The following TVP23A variants were observed in gnomAD, a reference collection of about 807,000 sequenced individuals.
TVP23A encodes Golgi apparatus membrane protein TVP23 homolog A.
In TVP23A, 21 loss-of-function variants were observed where a neutral mutation model predicts 31.7. The ratio of observed to expected loss-of-function variants is 0.66; its 90% confidence interval spans 0.47 to 0.95. The LOEUF is 0.95. TVP23A is among the 40% of genes least tolerant of loss of function. The pLI, the probability that TVP23A is intolerant of heterozygous loss-of-function variation, is 0.00. For missense variants in TVP23A, 279 were observed against 255.6 expected (o/e 1.09, Z -0.62); for synonymous variants, 104 against 96.0 (o/e 1.08, Z -0.49).
rs2031123221 is a variant in TVP23A, at chr16:10,767,834, G to A, written c.*1268C>T. 1 of 950,202 alleles carries A rather than the reference G, an allele frequency of 1.1e-6. No individual in the cohort carries two copies. The highest frequency in any genetic ancestry group is 1.9e-5 in the Admixed American group (1 of 52,332). The allele number at this position is 950,202 out of a possible 1,614,324, so 58.9% of individuals were successfully genotyped here. A position where few individuals can be genotyped will look rare whatever the true frequency, so the allele number is the denominator to read the frequency against. ...TTTTCTACTTTGTTCTTCATTACGA[G>A]TGAAGCGGGCTCAAGATCTTCCCAT... On this transcript the variant is annotated 3_prime_UTR_variant, in exon 8 of 8. Transcript: ENST00000299866. This position sits in a 1 kb window ranked among gnomAD's most constrained non-coding sequence, Gnocchi z 4.6.
At chr16:10,802,206 C>G (rs11074926) in intron 2 of TVP23A, among the ~76,000 whole-genome samples, 1 of 148,788 alleles carries the variant, frequency 6.7e-6, no homozygotes, top group Non-Finnish European at 1.5e-5. Flanking sequence ...TGAGTAACAA[C>G]AAGAGTATGT....
intron 2 of TVP23A, among the ~76,000 whole-genome samples, chr16:10,790,133 G>C (rs2142986860): frequency 6.6e-6 from 1 of 152,198 alleles, no homozygotes; most frequent in East Asian, 1.9e-4. Context: ...TAGGTTCTCA[G>C]TTAATCTCTT....
At chr16:10,811,498 G>C (rs1023112753) in intron 2 of TVP23A, among the ~76,000 whole-genome samples, 12 of 151,852 alleles carry the variant, frequency 7.9e-5, no homozygotes, top group Non-Finnish European at 1.2e-4. Context: ...TCAAACTCCT[G>C]GCCTCAAGCA....
In TVP23A at chr16:10,818,545, C is replaced by A; in HGVS notation, c.-52G>T. Reference sequence around the variant, plus strand: ...CCAGGCCCGGGGCTCCAGCTCCGCCCGTCGCCGCTGAAGGGGTCGGACGCC... The same window carrying A: ...CCAGGCCCGGGGCTCCAGCTCCGCCAGTCGCCGCTGAAGGGGTCGGACGCC... On this transcript the variant is annotated 5_prime_UTR_variant, in exon 1 of 8. Coordinates refer to ENST00000299866, the MANE Select transcript of TVP23A (RefSeq NM_001079512.4). This position sits in a 1 kb window ranked among gnomAD's most constrained non-coding sequence, Gnocchi z 4.7. The A allele has an allele frequency of 6.3e-7, 1 of 1,587,148 alleles. No individual in the cohort carries two copies. Among genetic ancestry groups the A allele is most frequent in the Non-Finnish European group, 8.5e-7 (1 of 1,173,224 alleles).
At chr16:10,817,985 T>A (rs2034514049) in intron 2 of TVP23A, 118 bp downstream of exon 2, 1 of 863,116 alleles carries the variant, frequency 1.2e-6, no homozygotes, top group African/African-American at 1.7e-5. Flanking sequence ...CACAGATATG[T>A]CCCCAGCCCC....
intron 2 of TVP23A, among the ~76,000 whole-genome samples, chr16:10,788,198 G>A (rs867576182): frequency 6.6e-6 from 1 of 152,228 alleles, no homozygotes; most frequent in Middle Eastern, 3.4e-3. Context: ...ATTGGCAATT[G>A]GTTGAGTTAT....
At chr16:10,757,946 G>A (rs368045442), downstream of TVP23A, 2 of 1,614,114 alleles carry the variant, frequency 1.2e-6, no homozygotes, top group Non-Finnish European at 8.5e-7. The surrounding 1 kb of genome is among the most constrained non-coding windows in gnomAD (Gnocchi z 4.1). Flanking sequence ...CCCCACCTGG[G>A]ACGTCGGATG....
intron 2 of TVP23A, among the ~76,000 whole-genome samples, chr16:10,813,802 T>A (rs2034308251): frequency 6.6e-6 from 1 of 151,696 alleles, no homozygotes; most frequent in Non-Finnish European, 1.5e-5. Flanking sequence ...GATCAGGAGT[T>A]CAAGCCTGGC....
intron 2 of TVP23A, among the ~76,000 whole-genome samples, chr16:10,784,810 C>G (rs2032647470): frequency 6.6e-6 from 1 of 152,118 alleles, no homozygotes. Context: ...GCTCTAAAAA[C>G]AGAGCCAGGT....
intron 2 of TVP23A, among the ~76,000 whole-genome samples, chr16:10,795,065 A>T (rs1196763192): frequency 6.6e-6 from 1 of 151,978 alleles, no homozygotes; most frequent in Non-Finnish European, 1.5e-5. Context: ...ACATTGGAAC[A>T]CCCCAGAGAG....
At chr16:10,770,868 CAA>C (rs376701429) in intron 6 of TVP23A, among the ~76,000 whole-genome samples, 36 of 66,448 alleles carry the variant, frequency 5.4e-4, no homozygotes, top group African/African-American at 1.4e-3. Context: ...ACTCCCATCT[CAA>C]AAAAAAAAAA....
intron 2 of TVP23A, among the ~76,000 whole-genome samples, chr16:10,798,007 G>A (rs1206313099): frequency 1.4e-5 from 2 of 144,196 alleles, no homozygotes; most frequent in Non-Finnish European, 3.0e-5. Flanking sequence ...CCAGGCTGGA[G>A]TGCAGTGGCG....
chr16:10,803,433 G>C (rs555164897), intron 2 of TVP23A, among the ~76,000 whole-genome samples: 4 of 152,210 alleles, frequency 2.6e-5, no homozygotes, highest in Admixed American at 2.6e-4. Flanking sequence ...GAACAGGCTG[G>C]ACAAAGTTCT....
intron 2 of TVP23A, among the ~76,000 whole-genome samples, chr16:10,804,913 CT>C (rs2033873158): frequency 6.6e-6 from 1 of 152,034 alleles, no homozygotes; most frequent in South Asian, 2.1e-4. Context: ...AAGCAAAACC[CT>C]GTACCTCTTG....
chr16:10,791,188 C>T (rs529550100), intron 2 of TVP23A, among the ~76,000 whole-genome samples: 33 of 152,138 alleles, frequency 2.2e-4, no homozygotes, highest in African/African-American at 7.5e-4. Context: ...TTTTTGAGAA[C>T]GGAAGAAAGA....
chr16:10,773,725 C>G (rs2031794975), intron 4 of TVP23A, among the ~76,000 whole-genome samples: 1 of 152,110 alleles, frequency 6.6e-6, no homozygotes, highest in African/African-American at 2.4e-5. Flanking sequence ...TGCCTGCCAC[C>G]ACGCCCAGCT....
chr16:10,808,343 A>C (rs1224890235), intron 2 of TVP23A, among the ~76,000 whole-genome samples: 1 of 152,124 alleles, frequency 6.6e-6, no homozygotes, highest in East Asian at 1.9e-4. Flanking sequence ...GACAAAAGTT[A>C]CTTGATTGGC....
At chr16:10,799,362 C>G (rs934834453) in intron 2 of TVP23A, among the ~76,000 whole-genome samples, 4 of 152,230 alleles carry the variant, frequency 2.6e-5, no homozygotes, top group African/African-American at 4.8e-5. Context: ...GAGACAGAGT[C>G]TCACTCTGTT....
chr16:10,757,913 G>A (rs1197847056), downstream of TVP23A: 2 of 1,613,932 alleles, frequency 1.2e-6, no homozygotes, highest in Non-Finnish European at 8.5e-7. The surrounding 1 kb of genome is among the most constrained non-coding windows in gnomAD (Gnocchi z 4.1). Context: ...ACTGGGGAGA[G>A]GTCGACTACC....
Sources: gnomAD v4.1 joint callset for allele counts (sites outside exome capture counted in the v4.1 genomes callset) on GRCh38, gnomAD v4.1.1 for gene constraint, Gnocchi (gnomAD v3.1) non-coding constraint, MANE v1.5 for transcripts, NCBI Gene and HGNC (gene_info 2026-07-23, HGNC 2026-07-21) for gene names.